FOLR2: variants seen among roughly 807,000 people sequenced by gnomAD.
FOLR2 encodes folate receptor beta.
FOLR2 carries 14 observed loss-of-function variants against 20.4 expected under a neutral mutation model. The observed-to-expected ratio is 0.68, with a 90% CI of 0.45 to 1.07. The LOEUF is 1.07. Among genes scored for constraint, FOLR2 ranks in the 50% least tolerant of loss-of-function variants. The probability of loss-of-function intolerance (pLI) is 0.00; values close to 1 mark genes in which losing one functional copy is unlikely to be tolerated. For synonymous variants in FOLR2, 114 were observed against 114.3 expected (o/e 1.00, Z 0.02); for missense variants, 269 against 322.6 (o/e 0.83, Z 1.27).
chr11:72,221,427 C>A, intron 4 of FOLR2, 43 bp from the exon 5 acceptor site: 1 of 1,600,930 alleles, frequency 6.2e-7, no homozygotes, highest in Non-Finnish European at 8.5e-7. Context: ...GAGCTTTGGG[C>A]CCAGGGGCTG....
chr11:72,221,067 T>TCGGGGGGGGGGGGCCCCCCCC lies in FOLR2; in HGVS notation c.339+10_339+11insGGGGGGGGGGGGCCCCCCCCC. 18 of 1,569,698 alleles carry TCGGGGGGGGGGGGCCCCCCCC rather than the reference T, an allele frequency of 1.1e-5. No individual in the cohort carries two copies. Among genetic ancestry groups the TCGGGGGGGGGGGGCCCCCCCC allele is most frequent in the Non-Finnish European group, 1.4e-5 (16 of 1,154,540 alleles). On this transcript the variant is annotated intron_variant, in intron 3 of 4. Transcript: ENST00000298223. The stretch of plus-strand genomic sequence containing the variant: ...GGCCCTGGATCCAGCAGGTAGGGTG[T>TCGGGGGGGGGGGGCCCCCCCC]CTCCCCCCCACCCACCCCAGCAGAC...
chr11:72,219,288 A>T (rs1591257377), intron 2 of FOLR2, among the ~76,000 whole-genome samples: 1 of 152,208 alleles, frequency 6.6e-6, no homozygotes. Context: ...ACATTCACAC[A>T]GTCTATATAC....
At chr11:72,217,673 T>C (rs1948414125) in intron 1 of FOLR2, among the ~76,000 whole-genome samples, 1 of 152,148 alleles carries the variant, frequency 6.6e-6, no homozygotes, top group Non-Finnish European at 1.5e-5. Context: ...CTCTCTGCAT[T>C]TTTAAAAAAA....
At chr11:72,218,822 C>A in intron 2 of FOLR2, 88 bp downstream of exon 2, 1 of 1,073,484 alleles carries the variant, frequency 9.3e-7, no homozygotes, top group South Asian at 1.5e-5. Context: ...ATTGAGGGGT[C>A]AGATACCTCC....
In FOLR2 at chr11:72,221,161, C is replaced by A. The variant is rs1412987394; in HGVS notation, c.340-15C>A. The A allele has an allele frequency of 1.2e-6, 2 of 1,609,528 alleles. No individual in the cohort carries two copies. The highest frequency in any genetic ancestry group is 3.4e-5 in the Admixed American group (2 of 59,282). ...CCTGGCTGAGAGGAGCCCTGCCTCC[C>A]CACCTCCCACCCAGGTGAATCAGAG... is the stretch of plus-strand genomic sequence containing the variant. On this transcript the variant is annotated splice_polypyrimidine_tract_variant and intron_variant, in intron 3 of 4. Transcript: ENST00000298223.
intron 2 of FOLR2, 96 bp downstream of exon 2, chr11:72,218,830 TC>T: frequency 9.7e-7 from 1 of 1,033,330 alleles, no homozygotes; most frequent in Non-Finnish European, 1.4e-6. Context: ...GTCAGATACC[TC>T]CACATCCTGA....
chr11:72,218,520 T>G, intron 1 of FOLR2, 41 bp from the exon 2 acceptor site: 1 of 1,569,146 alleles, frequency 6.4e-7, no homozygotes, highest in Non-Finnish European at 8.7e-7. Context: ...GGCTCCCAGC[T>G]TGGAGCCCTT....
Position 72,221,712 on chromosome 11 carries a change from G to A in FOLR2, c.718G>A (p.Gly240Ser). The change falls in exon 5 of 5, where the codon GGT (glycine) becomes AGT (serine). Residue 240 changes from glycine (G) to serine (S), a missense_variant. Coordinates refer to ENST00000298223, the MANE Select transcript of FOLR2 (RefSeq NM_000803.5). ...TGGTGAGATGCTTCATGGGACTGGG[G>A]GTCTCCTGCTCAGTCTGGCCCTGAT... ...NAGEMLHGTG[G>S]LLLSLALMLQ... The A allele has an allele frequency of 1.2e-6, 2 of 1,614,020 alleles. No individual in the cohort carries two copies. Among genetic ancestry groups the A allele is most frequent in the Non-Finnish European group, 1.7e-6 (2 of 1,179,908 alleles).
Position 72,221,817 on chromosome 11 carries a change from C to T in FOLR2, c.*55C>T. The stretch of plus-strand genomic sequence containing the variant: ...GCTTGGATAACCAGGCTGGGCTCAG[C>T]TCAGCTCCCACAAATGACAGCCCCT... On this transcript the variant is annotated 3_prime_UTR_variant, in exon 5 of 5. Transcript: ENST00000298223. 10 of 1,541,032 alleles carry T rather than the reference C, an allele frequency of 6.5e-6. No homozygotes were observed. Among genetic ancestry groups the T allele is most frequent in the Non-Finnish European group, 8.0e-6 (9 of 1,130,816 alleles).
chr11:72,220,486 A>G (rs895591846), intron 2 of FOLR2, among the ~76,000 whole-genome samples: 2 of 152,148 alleles, frequency 1.3e-5, no homozygotes, highest in African/African-American at 2.4e-5. Context: ...CCATGAATAC[A>G]TATTTCTGTC....
intron 2 of FOLR2, among the ~76,000 whole-genome samples, chr11:72,219,000 T>A (rs1477545957): frequency 6.6e-6 from 1 of 152,222 alleles, no homozygotes; most frequent in Non-Finnish European, 1.5e-5. Context: ...CAAAATTTCA[T>A]ATTCCCAGGG....
In FOLR2 at chr11:72,218,732, C is replaced by G; in HGVS notation, c.148C>G (p.Gln50Glu). The change falls in exon 2 of 5, where the codon CAA (glutamine) becomes GAA (glutamate). Residue 50 changes from glutamine (Q) to glutamate (E), a missense_variant and splice_region_variant. Coordinates refer to ENST00000298223, the MANE Select transcript of FOLR2 (RefSeq NM_000803.5). ...KPGPEDKLHD[Q>E]CSPWKKNACC... ...AGGTCCTGAGGACAAGCTGCATGAC[C>G]AAGTACGGCTGGAGTGTGCCTCTGC... 6 of 1,610,040 alleles carry G rather than the reference C, an allele frequency of 3.7e-6. No individual in the cohort carries two copies. The highest frequency in any genetic ancestry group is 5.1e-6 in the Non-Finnish European group (6 of 1,177,966).
intron 1 of FOLR2, 32 bp from the exon 2 acceptor site, chr11:72,218,529 T>G (rs1393372243): frequency 6.3e-7 from 1 of 1,584,606 alleles, no homozygotes; most frequent in Non-Finnish European, 8.6e-7. Flanking sequence ...CTTGGAGCCC[T>G]TTCCCCTCAG....
At position 72,221,067 on chromosome 11, in the gene FOLR2, T is replaced by TCGGGGGGGGGGCGCCCCCC; in HGVS notation, c.339+10_339+11insGGGGGGGGGGCGCCCCCCC. 1 of 1,570,104 alleles carries TCGGGGGGGGGGCGCCCCCC rather than the reference T, an allele frequency of 6.4e-7. No homozygotes were observed. Among genetic ancestry groups the TCGGGGGGGGGGCGCCCCCC allele is most frequent in the Non-Finnish European group, 8.7e-7 (1 of 1,154,902 alleles). ...GGCCCTGGATCCAGCAGGTAGGGTG[T>TCGGGGGGGGGGCGCCCCCC]CTCCCCCCCACCCACCCCAGCAGAC... On this transcript the variant is annotated intron_variant, in intron 3 of 4. Coordinates refer to ENST00000298223, the MANE Select transcript of FOLR2 (RefSeq NM_000803.5).
At chr11:72,220,626 T>C (rs531235047) in intron 2 of FOLR2, among the ~76,000 whole-genome samples, 1 of 152,338 alleles carries the variant, frequency 6.6e-6, no homozygotes, top group Non-Finnish European at 1.5e-5. Context: ...ATGATAACTA[T>C]TATTCCCAAG....
At position 72,218,532 on chromosome 11, in the gene FOLR2, C is replaced by G. The variant is rs1217329094; in HGVS notation, c.-24-29C>G. The G allele has an allele frequency of 3.8e-6, 6 of 1,589,020 alleles. No individual in the cohort carries two copies. In the African/African-American group the frequency reaches 8.1e-5, roughly 21 times the overall value. ...ATGGGCTCCCAGCTTGGAGCCCTTTCCCCTCAGGACTTGGTTTCCCTACCC... is the reference window on the plus strand; with the variant it reads ...ATGGGCTCCCAGCTTGGAGCCCTTTGCCCTCAGGACTTGGTTTCCCTACCC... On this transcript the variant is annotated intron_variant, in intron 1 of 4. Coordinates refer to ENST00000298223, the MANE Select transcript of FOLR2 (RefSeq NM_000803.5).
intron 2 of FOLR2, 70 bp from the exon 3 acceptor site, chr11:72,220,800 G>C (rs1565374374): frequency 1.3e-6 from 2 of 1,589,872 alleles, no homozygotes; most frequent in Non-Finnish European, 1.7e-6. Flanking sequence ...AACCAAATGG[G>C]GGAGAGACAC....
Position 72,221,552 on chromosome 11 carries a change from C to T in FOLR2, c.558C>T (p.Leu186=), listed in dbSNP as rs1158132283. Residue 186 remains leucine, a synonymous_variant, in exon 5 of 5, where the codon CTC becomes CTT. Coordinates refer to ENST00000298223, the MANE Select transcript of FOLR2 (RefSeq NM_000803.5). ...CTCCAGCTGCCCTTTGTGAAGGCCT[C>T]TGGAGTCACTCATACAAGGTCAGCA... The part of the protein sequence containing the change: ...FPTPAALCEG[L]WSHSYKVSNY... 1 of 1,614,112 alleles carries T rather than the reference C, an allele frequency of 6.2e-7. No homozygotes were observed. The highest frequency in any genetic ancestry group is 8.5e-7 in the Non-Finnish European group (1 of 1,180,000).
rs913588518 is a variant in FOLR2, at chr11:72,221,943, T to C, written c.*181T>C. 1.8e-5 allele frequency: 11 copies of C among 617,196 alleles called. No homozygotes were observed. Among genetic ancestry groups the C allele is most frequent in the African/African-American group, 1.7e-4 (9 of 54,220 alleles). 38.2% of individuals were successfully genotyped at this position (617,196 alleles called of 1,614,324 possible). A position where few individuals can be genotyped will look rare whatever the true frequency, so the allele number is the denominator to read the frequency against. On this transcript the variant is annotated 3_prime_UTR_variant, in exon 5 of 5. Transcript: ENST00000298223. ...TTCTAATAAACAGACTGTTTTCTAATAATTCCATGTCTGTGGAATTGTTTT... is the reference window on the plus strand; with the variant it reads ...TTCTAATAAACAGACTGTTTTCTAACAATTCCATGTCTGTGGAATTGTTTT...
Sources: gnomAD v4.1 joint callset for allele counts (sites outside exome capture counted in the v4.1 genomes callset) on GRCh38, gnomAD v4.1.1 for gene constraint, MANE v1.5 for transcripts, NCBI Gene and HGNC (gene_info 2026-07-23, HGNC 2026-07-21) for gene names.